Variants in CCDC138 observed in about 807,000 individuals in gnomAD.
The protein encoded by CCDC138 is coiled-coil domain-containing protein 138.
In CCDC138, 66 loss-of-function variants were observed where a neutral mutation model predicts 82.3. That is an observed-to-expected ratio of 0.80 (90% CI 0.66 to 0.98). CCDC138 has a LOEUF of 0.98. Ranked by LOEUF, CCDC138 falls within the 50% of genes least tolerant of loss-of-function variation. The probability of loss-of-function intolerance (pLI) is 0.00; values close to 1 mark genes in which losing one functional copy is unlikely to be tolerated. For missense variants in CCDC138, 816 were observed against 758.9 expected (o/e 1.08, Z -0.88); for synonymous variants, 297 against 265.4 (o/e 1.12, Z -1.16).
chr2:108,831,666 G>T (rs1157046983), intron 10 of CCDC138, among the ~76,000 whole-genome samples: 1 of 148,466 alleles, frequency 6.7e-6, no homozygotes, highest in Non-Finnish European at 1.5e-5. Context: ...TCTATCCCTG[G>T]AATCTGATTT....
At chr2:108,809,311 A>G (rs1683376449) in intron 7 of CCDC138, among the ~76,000 whole-genome samples, 1 of 152,058 alleles carries the variant, frequency 6.6e-6, no homozygotes. Flanking sequence ...GTCTTTCATG[A>G]TTTCATACAC....
intron 4 of CCDC138, among the ~76,000 whole-genome samples, chr2:108,793,849 G>A (rs112260882): frequency 2.0e-5 from 3 of 151,474 alleles, no homozygotes; most frequent in African/African-American, 7.3e-5. Flanking sequence ...TGATCCGCCC[G>A]CCTCGGCCTC....
chr2:108,787,192 G>A (rs1393014899), intron 1 of CCDC138, among the ~76,000 whole-genome samples: 1 of 152,174 alleles, frequency 6.6e-6, no homozygotes, highest in African/African-American at 2.4e-5. Flanking sequence ...TTTTTGCAGT[G>A]ATGTGAGTGG....
chr2:108,825,575 C>A (rs1558681865), intron 10 of CCDC138, among the ~76,000 whole-genome samples: 1 of 152,136 alleles, frequency 6.6e-6, no homozygotes, highest in Non-Finnish European at 1.5e-5. Context: ...ACGTAGTGTT[C>A]CGTGGCTGAC....
intron 7 of CCDC138, among the ~76,000 whole-genome samples, chr2:108,810,744 A>C (rs1228847604): frequency 6.6e-6 from 1 of 152,186 alleles, no homozygotes; most frequent in East Asian, 1.9e-4. Flanking sequence ...TGTTCTTTAA[A>C]AGTTTTAATT....
intron 6 of CCDC138, among the ~76,000 whole-genome samples, chr2:108,804,596 TTGTG>T (rs1185151616): frequency 1.3e-5 from 2 of 152,194 alleles, no homozygotes; most frequent in African/African-American, 4.8e-5. Flanking sequence ...TTCCATGAGT[TTGTG>T]TGAGTGGATT....
Position 108,873,459 on chromosome 2 carries a change from C to A in CCDC138, c.1702C>A (p.Gln568Lys). The A allele has an allele frequency of 1.3e-6, 2 of 1,595,294 alleles. No individual in the cohort carries two copies. Among genetic ancestry groups the A allele is most frequent in the Non-Finnish European group, 8.5e-7 (1 of 1,172,534 alleles). Residue 568 changes from glutamine to lysine, a missense_variant, in exon 14 of 15, where the codon CAG becomes AAG. Transcript: ENST00000295124. ...GTTGATTTGTTTTGCAGAATCCTTG[C>A]AGCCTTTCCTGGAAGCCTGTAGCAA... ...LQMTVESKSL[Q>K]PFLEACSNSL...
At chr2:108,849,316 T>C (rs764608430) in intron 12 of CCDC138, among the ~76,000 whole-genome samples, 3 of 152,176 alleles carry the variant, frequency 2.0e-5, no homozygotes, top group Non-Finnish European at 4.4e-5. Context: ...CTCCAAATTT[T>C]TGAAATATGG....
At chr2:108,825,969 CAA>C (rs1686519676) in intron 10 of CCDC138, among the ~76,000 whole-genome samples, 1 of 152,100 alleles carries the variant, frequency 6.6e-6, no homozygotes, top group South Asian at 2.1e-4. Context: ...ATGAAGTGGT[CAA>C]TCATTATGGT....
chr2:108,805,666 G>A (rs920886501), intron 7 of CCDC138, among the ~76,000 whole-genome samples: 2 of 152,060 alleles, frequency 1.3e-5, no homozygotes, highest in Non-Finnish European at 2.9e-5. Context: ...GGCGGAGCTT[G>A]CAGTGAGCCG....
chr2:108,833,894 A>ATTTTTTTTTTTT (rs749488565), intron 10 of CCDC138, among the ~76,000 whole-genome samples: 2 of 79,228 alleles, frequency 2.5e-5, no homozygotes, highest in Non-Finnish European at 4.5e-5. Flanking sequence ...CGCCCGGCTA[A>ATTTTTTTTTTTT]TTTTTTTTTT....
chr2:108,881,552 A>C (rs993232984), downstream of CCDC138, among the ~76,000 whole-genome samples: 4 of 152,220 alleles, frequency 2.6e-5, no homozygotes. Flanking sequence ...CAAGAGGCCT[A>C]GCTTTCAGCT....
chr2:108,807,282 C>T (rs1683030306), intron 7 of CCDC138, among the ~76,000 whole-genome samples: 2 of 151,810 alleles, frequency 1.3e-5, no homozygotes, highest in Admixed American at 1.3e-4. Context: ...TCCATTTTTG[C>T]CTATATAATA....
At chr2:108,833,545 A>C (rs1688040271) in intron 10 of CCDC138, among the ~76,000 whole-genome samples, 1 of 152,220 alleles carries the variant, frequency 6.6e-6, no homozygotes, top group African/African-American at 2.4e-5. Flanking sequence ...AAGCTATGGG[A>C]ATGTTTATAG....
At chr2:108,845,949 A>G (rs1690389847) in intron 11 of CCDC138, among the ~76,000 whole-genome samples, 1 of 151,928 alleles carries the variant, frequency 6.6e-6, no homozygotes, top group Non-Finnish European at 1.5e-5. Context: ...TACTATTTCT[A>G]TTTTGCCCAT....
At chr2:108,799,701 A>G (rs536940888) in intron 6 of CCDC138, among the ~76,000 whole-genome samples, 31 of 152,276 alleles carry the variant, frequency 2.0e-4, no homozygotes, top group African/African-American at 7.0e-4. Context: ...TCTTCAGCCA[A>G]TATTTCATCA....
At chr2:108,819,278 C>G (rs1212436171) in intron 10 of CCDC138, among the ~76,000 whole-genome samples, 1 of 152,142 alleles carries the variant, frequency 6.6e-6, no homozygotes, top group Non-Finnish European at 1.5e-5. Flanking sequence ...ATGTGTGTTC[C>G]CCTGCCGGTA....
downstream of CCDC138, among the ~76,000 whole-genome samples, chr2:108,877,287 G>A (rs2105336641): frequency 7.7e-6 from 1 of 129,408 alleles, no homozygotes; most frequent in Middle Eastern, 3.7e-3. Flanking sequence ...TGCCAACATG[G>A]TGAAACCCCG....
intron 13 of CCDC138, among the ~76,000 whole-genome samples, chr2:108,872,899 T>C (rs1303192411): frequency 6.6e-6 from 1 of 152,228 alleles, no homozygotes; most frequent in Admixed American, 6.5e-5. Context: ...TAACTTGTAA[T>C]AGCTTCAACA....
Sources: gnomAD v4.1 joint callset for allele counts (sites outside exome capture counted in the v4.1 genomes callset) on GRCh38, gnomAD v4.1.1 for gene constraint, MANE v1.5 for transcripts, NCBI Gene and HGNC (gene_info 2026-07-23, HGNC 2026-07-21) for gene names.